Variants in TMEM182 observed in about 807,000 individuals in gnomAD.
TMEM182 encodes transmembrane protein 182.
In TMEM182, 20 loss-of-function variants were observed where a neutral mutation model predicts 26.8. That is an observed-to-expected ratio of 0.75 (90% CI 0.53 to 1.09). TMEM182 has a LOEUF of 1.09. TMEM182 is among the 50% of genes least tolerant of loss of function. The pLI, the probability that TMEM182 is intolerant of heterozygous loss-of-function variation, is 0.00. For synonymous variants in TMEM182, 109 were observed against 102.2 expected, an observed-to-expected ratio of 1.07 and a Z score of -0.40; for missense variants, 277 against 275.5, an observed-to-expected ratio of 1.01 and a Z score of -0.04.
At chr2:102,753,200 C>CTG (rs139928282) in intron 1 of TMEM182, among the ~76,000 whole-genome samples, 3 of 151,356 alleles carry the variant, frequency 2.0e-5, no homozygotes, top group East Asian at 1.9e-4. Flanking sequence ...AGCTTCCCCC[C>CTG]CCCACTGCCT....
At chr2:102,771,597 C>T (rs535761268) in intron 3 of TMEM182, among the ~76,000 whole-genome samples, 5 of 152,288 alleles carry the variant, frequency 3.3e-5, no homozygotes, top group South Asian at 2.1e-4. Context: ...GAGAGGCAAT[C>T]GCTTTCTGAA....
chr2:102,830,709 G>A (rs915444597), intron 3 of TMEM182, among the ~76,000 whole-genome samples: 2 of 152,112 alleles, frequency 1.3e-5, no homozygotes, highest in Non-Finnish European at 2.9e-5. Flanking sequence ...CAGTTACACT[G>A]TTTAAGTTAT....
intron 1 of TMEM182, among the ~76,000 whole-genome samples, chr2:102,745,585 G>A (rs1193643130): frequency 2.0e-5 from 3 of 151,970 alleles, no homozygotes; most frequent in East Asian, 3.9e-4. Flanking sequence ...ATTTTAGAAT[G>A]TTTTAATCCC....
chr2:102,810,277 G>A (rs1682504631), intron 4 of TMEM182, among the ~76,000 whole-genome samples: 1 of 151,948 alleles, frequency 6.6e-6, no homozygotes, highest in South Asian at 2.1e-4. Context: ...GGTTCTTACG[G>A]TATAGTGAAA....
intron 3 of TMEM182, among the ~76,000 whole-genome samples, chr2:102,769,390 G>A (rs1161480842): frequency 6.6e-6 from 1 of 152,148 alleles, no homozygotes; most frequent in African/African-American, 2.4e-5. Context: ...TGATGAAGAA[G>A]TTTCCTTTTC....
chr2:102,816,344 A>G lies in TMEM182; in HGVS notation c.*1376A>G. On this transcript the variant is annotated 3_prime_UTR_variant, in exon 5 of 5. Transcript: ENST00000412401. ...CACCACCCAGAAGATGCTCTGGGAT[A>G]GAGGAACTGCTCCTTTTCATCAGCT... The G allele has an allele frequency of 2.0e-6, 2 of 985,290 alleles. No individual in the cohort carries two copies. The highest frequency in any genetic ancestry group is 9.4e-5 in the South Asian group (2 of 21,278). 61.0% of individuals were successfully genotyped at this position (985,290 alleles called of 1,614,324 possible). A position where few individuals can be genotyped will look rare whatever the true frequency, so the allele number is the denominator to read the frequency against.
At chr2:102,804,416 T>G (rs1025931982) in intron 4 of TMEM182, among the ~76,000 whole-genome samples, 1 of 152,204 alleles carries the variant, frequency 6.6e-6, no homozygotes, top group African/African-American at 2.4e-5. Context: ...AATGTTTGGT[T>G]TTCCATTCCT....
intron 4 of TMEM182, among the ~76,000 whole-genome samples, chr2:102,803,917 C>G (rs536739148): frequency 6.6e-6 from 1 of 151,978 alleles, no homozygotes; most frequent in African/African-American, 2.4e-5. Flanking sequence ...CACCTGCAGG[C>G]ACATGCAGCT....
At chr2:102,771,838 T>C (rs905008321) in intron 3 of TMEM182, among the ~76,000 whole-genome samples, 1 of 152,280 alleles carries the variant, frequency 6.6e-6, no homozygotes, top group African/African-American at 2.4e-5. Flanking sequence ...CTGTGTATTG[T>C]GGGATGTTTA....
intron 1 of TMEM182, among the ~76,000 whole-genome samples, chr2:102,755,078 A>G (rs913896793): frequency 1.3e-5 from 2 of 152,194 alleles, no homozygotes; most frequent in South Asian, 2.1e-4. Context: ...TTTCACTGCA[A>G]TTTCTCTAAG....
intron 3 of TMEM182, among the ~76,000 whole-genome samples, chr2:102,785,014 CT>C (rs1174042201): frequency 6.6e-6 from 1 of 152,154 alleles, no homozygotes; most frequent in Non-Finnish European, 1.5e-5. Flanking sequence ...TCTTACCCAG[CT>C]CGAGATGGAG....
intron 1 of TMEM182, among the ~76,000 whole-genome samples, chr2:102,756,389 G>A (rs909998483): frequency 2.6e-5 from 4 of 152,112 alleles, no homozygotes; most frequent in African/African-American, 9.7e-5. Flanking sequence ...ATCCTCTGAA[G>A]CAGTATTCCC....
intron 1 of TMEM182, among the ~76,000 whole-genome samples, chr2:102,738,198 A>T (rs1679419177): frequency 6.6e-6 from 1 of 152,060 alleles, no homozygotes; most frequent in African/African-American, 2.4e-5. Flanking sequence ...CATTAAAACC[A>T]CTCACTGTGG....
intron 3 of TMEM182, among the ~76,000 whole-genome samples, chr2:102,790,426 A>G (rs1681586199): frequency 6.6e-6 from 1 of 152,214 alleles, no homozygotes; most frequent in South Asian, 2.1e-4. Context: ...ATTTCTCTGG[A>G]AAAAGAAATA....
rs764351834 is a variant in TMEM182 at position 102,816,152 on chromosome 2, A to G, written c.*1184A>G. On this transcript the variant is annotated 3_prime_UTR_variant, in exon 5 of 5. Coordinates refer to ENST00000412401, the MANE Select transcript of TMEM182 (RefSeq NM_144632.5). ...TATCAAAGATGTTCATTTGGCACTA[A>G]TGTTGATTGAAATCAAATCCATCTG... 1.8e-5 allele frequency: 18 copies of G among 985,432 alleles called. No homozygotes were observed. Among genetic ancestry groups the G allele is most frequent in the Non-Finnish European group, 2.0e-5 (17 of 829,938 alleles). The allele number at this position is 985,432 out of a possible 1,614,324, so 61.0% of individuals were successfully genotyped here.
chr2:102,780,466 CT>C (rs1681119506), intron 3 of TMEM182, among the ~76,000 whole-genome samples: 1 of 152,174 alleles, frequency 6.6e-6, no homozygotes, highest in African/African-American at 2.4e-5. Context: ...CTAACCATAG[CT>C]TCTGCTGACA....
intron 3 of TMEM182, among the ~76,000 whole-genome samples, chr2:102,830,992 A>G (rs548607361): frequency 6.6e-6 from 1 of 152,212 alleles, no homozygotes; most frequent in Non-Finnish European, 1.5e-5. Flanking sequence ...ATTTCACTTA[A>G]CATAATGATC....
chr2:102,822,522 A>G (rs1348835729), downstream of TMEM182, among the ~76,000 whole-genome samples: 1 of 152,228 alleles, frequency 6.6e-6, no homozygotes, highest in Admixed American at 6.5e-5. Flanking sequence ...AAGTTTTGGT[A>G]TAGGGGCGGG....
chr2:102,767,041 A>G (rs1176986528), intron 3 of TMEM182, among the ~76,000 whole-genome samples: 1 of 152,188 alleles, frequency 6.6e-6, no homozygotes, highest in Non-Finnish European at 1.5e-5. Flanking sequence ...GCAAAGAACC[A>G]AGTCTCTGGC....
Sources: gnomAD v4.1 joint callset for allele counts (sites outside exome capture counted in the v4.1 genomes callset) on GRCh38, gnomAD v4.1.1 for gene constraint, MANE v1.5 for transcripts, NCBI Gene and HGNC (gene_info 2026-07-23, HGNC 2026-07-21) for gene names.